SCAND3: variants seen among roughly 807,000 people sequenced by gnomAD.
SCAND3 encodes the protein SCAN domain containing 3.
At chr6:28,607,380 C>T in the SCAND3 span, among the ~76,000 whole-genome samples, 1 of 152,116 alleles carries the variant, frequency 6.6e-6, no homozygotes, top group African/African-American at 2.4e-5. Context: ...ATAGCATTGC[C>T]ACACCAGGAA....
At chr6:28,575,956 C>G in the SCAND3 span, 1 of 1,613,510 alleles carries the variant, frequency 6.2e-7, no homozygotes, top group Non-Finnish European at 8.5e-7. This position sits in a 1 kb window ranked among gnomAD's most constrained non-coding sequence, Gnocchi z 4.2. Context: ...TATCAACTGA[C>G]AGTACTTTGC....
the SCAND3 span, chr6:28,572,593 G>T: frequency 6.2e-7 from 1 of 1,614,054 alleles, no homozygotes; most frequent in Non-Finnish European, 8.5e-7. This position sits in a 1 kb window ranked among gnomAD's most constrained non-coding sequence, Gnocchi z 4.1. Flanking sequence ...AAGTCTGGCT[G>T]TCCAATTCAC....
the SCAND3 span, chr6:28,573,225 T>C: frequency 6.2e-7 from 1 of 1,614,006 alleles, no homozygotes. Context: ...GTTCTATGAG[T>C]TGATCTTCCA....
At chr6:28,588,347 G>T in the SCAND3 span, among the ~76,000 whole-genome samples, 1 of 152,180 alleles carries the variant, frequency 6.6e-6, no homozygotes, top group Non-Finnish European at 1.5e-5. The surrounding 1 kb of genome is among the most constrained non-coding windows in gnomAD (Gnocchi z 4.1). Context: ...CTGCCATGCT[G>T]AGCACAGTAG....
the SCAND3 span, among the ~76,000 whole-genome samples, chr6:28,581,209 A>C: frequency 6.6e-6 from 1 of 152,062 alleles, no homozygotes; most frequent in Non-Finnish European, 1.5e-5. Flanking sequence ...ATGGTAGCAC[A>C]TATCTGTGGT....
the SCAND3 span, among the ~76,000 whole-genome samples, chr6:28,612,531 T>C: frequency 6.6e-6 from 1 of 152,216 alleles, no homozygotes; most frequent in African/African-American, 2.4e-5. Flanking sequence ...ATAAACACAC[T>C]GGTATAAAAC....
chr6:28,591,705 C>G, the SCAND3 span: 4 of 152,198 alleles, frequency 2.6e-5, no homozygotes, highest in African/African-American at 9.7e-5. Context: ...TAATTTCTCT[C>G]CCCTATTGCA....
chr6:28,594,946 C>G, the SCAND3 span, among the ~76,000 whole-genome samples: 1 of 151,712 alleles, frequency 6.6e-6, no homozygotes, highest in Non-Finnish European at 1.5e-5. Context: ...TTCAGATAGA[C>G]AAGAGGAATG....
the SCAND3 span, among the ~76,000 whole-genome samples, chr6:28,596,805 A>G: frequency 6.6e-6 from 1 of 152,194 alleles, no homozygotes; most frequent in East Asian, 1.9e-4. Context: ...GCTAGAGACC[A>G]GCAGACAATA....
the SCAND3 span, among the ~76,000 whole-genome samples, chr6:28,579,798 G>T: frequency 6.6e-6 from 1 of 152,200 alleles, no homozygotes; most frequent in Non-Finnish European, 1.5e-5. The surrounding 1 kb of genome is among the most constrained non-coding windows in gnomAD (Gnocchi z 4.5). Flanking sequence ...TGTAATCCCA[G>T]CACTTTGGGA....
chr6:28,604,633 A>T, the SCAND3 span, among the ~76,000 whole-genome samples: 1 of 145,966 alleles, frequency 6.9e-6, no homozygotes, highest in East Asian at 2.0e-4. Context: ...AAAAAAAAAA[A>T]TTTAACTATT....
the SCAND3 span, among the ~76,000 whole-genome samples, chr6:28,584,536 A>C: frequency 6.6e-6 from 1 of 152,190 alleles, no homozygotes; most frequent in Non-Finnish European, 1.5e-5. Flanking sequence ...TTAAAATTCC[A>C]CTGGCATTTG....
At chr6:28,581,888 A>G in the SCAND3 span, among the ~76,000 whole-genome samples, 27 of 152,264 alleles carry the variant, frequency 1.8e-4, no homozygotes, top group African/African-American at 6.3e-4. Flanking sequence ...AGGGTAGAAT[A>G]GACACTGGGT....
At chr6:28,595,353 AAAGAAGAAG>A in the SCAND3 span, among the ~76,000 whole-genome samples, 1 of 144,646 alleles carries the variant, frequency 6.9e-6, no homozygotes, top group Non-Finnish European at 1.5e-5. Flanking sequence ...AAAAAAAAAA[AAAGAAGAAG>A]AAGAAGAAGA....
chr6:28,596,698 T>G, the SCAND3 span, among the ~76,000 whole-genome samples: 10 of 152,226 alleles, frequency 6.6e-5, no homozygotes, highest in Non-Finnish European at 7.3e-5. Flanking sequence ...CTCTCTGTCT[T>G]GCTTATGGAG....
At chr6:28,607,590 C>G in the SCAND3 span, among the ~76,000 whole-genome samples, 1 of 151,196 alleles carries the variant, frequency 6.6e-6, no homozygotes, top group East Asian at 1.9e-4. Context: ...GGTGGAATAG[C>G]AGAAACATAT....
chr6:28,607,964 A>T, the SCAND3 span, among the ~76,000 whole-genome samples: 1 of 152,184 alleles, frequency 6.6e-6, no homozygotes, highest in Non-Finnish European at 1.5e-5. Context: ...ATATGAGACA[A>T]TATGTTGTGG....
the SCAND3 span, chr6:28,591,191 A>C: frequency 6.6e-6 from 1 of 152,318 alleles, no homozygotes; most frequent in Non-Finnish European, 1.5e-5. Context: ...AATGGACAAG[A>C]CCTGATTGGA....
the SCAND3 span, chr6:28,598,133 G>C: frequency 6.6e-6 from 1 of 152,302 alleles, no homozygotes; most frequent in African/African-American, 2.4e-5. Flanking sequence ...CCTTCCTAGA[G>C]CAGGAGCCAG....
Sources: gnomAD v4.1 joint callset for allele counts (sites outside exome capture counted in the v4.1 genomes callset) on GRCh38, gnomAD v4.1.1 for gene constraint, Gnocchi (gnomAD v3.1) non-coding constraint, MANE v1.5 for transcripts, NCBI Gene and HGNC (gene_info 2026-07-23, HGNC 2026-07-21) for gene names.